The following DLG2 variants were observed in gnomAD, a reference collection of about 807,000 sequenced individuals.
DLG2 encodes the protein discs large MAGUK scaffold protein 2.
In DLG2, 45 loss-of-function variants were observed where a neutral mutation model predicts 132.5. The observed-to-expected ratio is 0.34, with a 90% CI of 0.27 to 0.44. The LOEUF (loss-of-function observed/expected upper bound fraction) is 0.44, where lower values mean the gene tolerates loss of function less well. DLG2 is among the 20% of genes least tolerant of loss of function. The probability of loss-of-function intolerance (pLI) is 1.00; values close to 1 mark genes in which losing one functional copy is unlikely to be tolerated. For missense variants in DLG2, 1,045 were observed against 1,196.9 expected (o/e 0.87, Z 1.87); for synonymous variants, 424 against 419.6 (o/e 1.01, Z -0.13).
intron 19 of DLG2, among the ~76,000 whole-genome samples, chr11:83,592,499 G>A (rs2097205220): frequency 6.6e-6 from 1 of 151,738 alleles, no homozygotes. Context: ...AATTCAAGAT[G>A]GATTAAAGAC....
intron 3 of DLG2, among the ~76,000 whole-genome samples, chr11:85,596,524 T>C (rs1278573404): frequency 5.9e-5 from 9 of 152,212 alleles, no homozygotes; most frequent in African/African-American, 2.2e-4. Context: ...TTTTCTACAT[T>C]ATGATTCTCT....
At chr11:84,433,764 A>G (rs1175778635) in intron 7 of DLG2, among the ~76,000 whole-genome samples, 9 of 152,216 alleles carry the variant, frequency 5.9e-5, no homozygotes, top group Admixed American at 5.9e-4. Flanking sequence ...GGAATAAGCA[A>G]TGAGTACAAA....
At chr11:84,203,141 C>A (rs1337781147) in intron 8 of DLG2, among the ~76,000 whole-genome samples, 1 of 150,634 alleles carries the variant, frequency 6.6e-6, no homozygotes, top group Non-Finnish European at 1.5e-5. Flanking sequence ...ATAAAAAATT[C>A]TATGATAAAA....
chr11:83,790,312 A>C, intron 17 of DLG2: 1 of 908,984 alleles, frequency 1.1e-6, no homozygotes, highest in Non-Finnish European at 1.8e-6. Context: ...CATGGGAGCG[A>C]AAGCTCAAGC....
rs576619869 is a variant in DLG2 at position 83,746,253 on chromosome 11, T to C, written c.1825+40437A>G. Among the ~76,000 whole-genome samples the C allele has an allele frequency of 3.2e-3, 482 of 152,358 alleles. 2 individuals are homozygous for C. Among genetic ancestry groups the C allele is most frequent in the African/African-American group, 0.011 (465 of 41,586 alleles). On this transcript the variant is annotated intron_variant, in intron 18 of 27. Transcript: ENST00000376104. Reference sequence around the variant, plus strand: ...TATATACCCAAAGGATTATAAATCATGCTGCTATAAAGACATATGCACACG... The same window carrying C: ...TATATACCCAAAGGATTATAAATCACGCTGCTATAAAGACATATGCACACG...
At chr11:84,494,225 A>G (rs1248842998) in intron 7 of DLG2, among the ~76,000 whole-genome samples, 3 of 152,218 alleles carry the variant, frequency 2.0e-5, no homozygotes, top group African/African-American at 7.2e-5. Context: ...CAAAGATAAT[A>G]CATGTGCTTC....
At chr11:84,350,870 C>A (rs1001100284) in intron 7 of DLG2, among the ~76,000 whole-genome samples, 1 of 152,110 alleles carries the variant, frequency 6.6e-6, no homozygotes, top group Non-Finnish European at 1.5e-5. Flanking sequence ...TAAAATCTGT[C>A]TTTGAATTAA....
intron 5 of DLG2, among the ~76,000 whole-genome samples, chr11:85,141,033 G>A (rs1358695853): frequency 6.6e-6 from 1 of 151,918 alleles, no homozygotes; most frequent in Non-Finnish European, 1.5e-5. Context: ...AAATACAGGA[G>A]TGTAGGTATC....
At chr11:84,127,475 T>C (rs1340527337) in intron 9 of DLG2, among the ~76,000 whole-genome samples, 1 of 152,222 alleles carries the variant, frequency 6.6e-6, no homozygotes, top group Non-Finnish European at 1.5e-5. Context: ...AGTGGCAAGG[T>C]TGATTCCTTG....
intron 6 of DLG2, among the ~76,000 whole-genome samples, chr11:85,078,235 A>G (rs1307718960): frequency 6.7e-6 from 1 of 150,240 alleles, no homozygotes; most frequent in Non-Finnish European, 1.5e-5. Flanking sequence ...ATGGAGAAAA[A>G]TAAAGCAAGC....
intron 7 of DLG2, among the ~76,000 whole-genome samples, chr11:84,400,538 T>A (rs2098825836): frequency 6.6e-6 from 1 of 152,202 alleles, no homozygotes; most frequent in Non-Finnish European, 1.5e-5. Flanking sequence ...CTTAGGCTCC[T>A]ATGCCCACTC....
chr11:84,134,409 G>C (rs1041949692), intron 9 of DLG2, among the ~76,000 whole-genome samples: 3 of 152,110 alleles, frequency 2.0e-5, no homozygotes, highest in African/African-American at 7.2e-5. Context: ...ATTTATTAAA[G>C]CCTAGGTATC....
chr11:84,355,869 G>C (rs1272586914), intron 7 of DLG2, among the ~76,000 whole-genome samples: 1 of 152,090 alleles, frequency 6.6e-6, no homozygotes, highest in Non-Finnish European at 1.5e-5. Context: ...ATCTTGCATA[G>C]TGTCCAAATG....
chr11:83,666,804 G>A (rs1252434439), intron 18 of DLG2, among the ~76,000 whole-genome samples: 1 of 152,190 alleles, frequency 6.6e-6, no homozygotes, highest in East Asian at 1.9e-4. Flanking sequence ...CACAATGCTG[G>A]TAAGTGAAGG....
chr11:85,205,744 G>C (rs1187848944), intron 4 of DLG2, among the ~76,000 whole-genome samples: 1 of 152,140 alleles, frequency 6.6e-6, no homozygotes, highest in Non-Finnish European at 1.5e-5. Flanking sequence ...AATTAGGAAA[G>C]ACTGACCCAG....
At chr11:84,795,477 C>A (rs1276227989) in intron 6 of DLG2, among the ~76,000 whole-genome samples, 1 of 152,146 alleles carries the variant, frequency 6.6e-6, no homozygotes, top group Admixed American at 6.5e-5. Flanking sequence ...GGATGACCTG[C>A]CTGCAGAGAG....
chr11:84,782,870 T>G (rs559193499), intron 6 of DLG2, among the ~76,000 whole-genome samples: 5 of 152,176 alleles, frequency 3.3e-5, no homozygotes, highest in Non-Finnish European at 7.3e-5. Flanking sequence ...AGTGTCACTC[T>G]TTTTCTCTAT....
At chr11:85,385,252 T>G (rs1221717006) in intron 3 of DLG2, among the ~76,000 whole-genome samples, 1 of 152,192 alleles carries the variant, frequency 6.6e-6, no homozygotes, top group Non-Finnish European at 1.5e-5. Flanking sequence ...GGTTATTTTA[T>G]GGAAGAAATG....
At chr11:84,712,986 G>T (rs1055469199) in intron 6 of DLG2, among the ~76,000 whole-genome samples, 5 of 152,080 alleles carry the variant, frequency 3.3e-5, no homozygotes, top group Admixed American at 3.3e-4. Flanking sequence ...ACCTCATGCA[G>T]AAAATGATAG....
Sources: gnomAD v4.1 joint callset for allele counts (sites outside exome capture counted in the v4.1 genomes callset) on GRCh38, gnomAD v4.1.1 for gene constraint, MANE v1.5 for transcripts, NCBI Gene and HGNC (gene_info 2026-07-23, HGNC 2026-07-21) for gene names.